AHI1: variants seen among roughly 807,000 people sequenced by gnomAD.
AHI1 encodes the protein Abelson helper integration site 1, also known as jouberin.
A neutral mutation model predicts 149.3 loss-of-function variants in AHI1; 123 were observed. The ratio of observed to expected loss-of-function variants is 0.82; its 90% CI spans 0.71 to 0.96. AHI1 has a LOEUF of 0.96. Among genes scored for constraint, AHI1 ranks in the 40% least tolerant of loss-of-function variants. The pLI is 0.00. For synonymous variants in AHI1, 475 were observed against 459.8 expected (o/e 1.03, Z -0.42); for missense variants, 1,439 against 1,422.7 (o/e 1.01, Z -0.18).
At chr6:135,351,550 G>A (rs1175861658) in intron 24 of AHI1, among the ~76,000 whole-genome samples, 1 of 152,172 alleles carries the variant, frequency 6.6e-6, no homozygotes, top group Non-Finnish European at 1.5e-5. Context: ...TGGAATCAGT[G>A]TTCTTTACTT....
chr6:135,399,500 C>A (rs1368693585), intron 22 of AHI1, among the ~76,000 whole-genome samples: 5 of 152,110 alleles, frequency 3.3e-5, no homozygotes, highest in Admixed American at 6.6e-5. Context: ...CTCTATCCTT[C>A]TATCTTTGTT....
chr6:135,434,197 G>GA (rs147267967), intron 15 of AHI1, among the ~76,000 whole-genome samples: 3,704 of 148,766 alleles, frequency 0.025, 66 homozygotes, highest in East Asian at 0.055. Flanking sequence ...ACTGATAAGA[G>GA]AAAAAAAAAC....
At chr6:135,441,001 C>T (rs930087858) in intron 14 of AHI1, among the ~76,000 whole-genome samples, 5 of 151,802 alleles carry the variant, frequency 3.3e-5, no homozygotes, top group East Asian at 1.9e-4. Flanking sequence ...GAAGCCCAGA[C>T]GCTGGGCTTT....
chr6:135,384,588 T>C (rs1777304685), intron 23 of AHI1, among the ~76,000 whole-genome samples: 1 of 152,184 alleles, frequency 6.6e-6, no homozygotes, highest in Admixed American at 6.5e-5. Flanking sequence ...ATTAATAACA[T>C]CTTCAAAATC....
intron 7 of AHI1, among the ~76,000 whole-genome samples, chr6:135,465,309 T>G (rs762479633): frequency 2.0e-5 from 3 of 152,234 alleles, no homozygotes; most frequent in Non-Finnish European, 2.9e-5. Context: ...TACATACATA[T>G]ATAAGCATCA....
intron 23 of AHI1, among the ~76,000 whole-genome samples, chr6:135,362,165 T>G (rs1275293305): frequency 6.6e-6 from 1 of 152,074 alleles, no homozygotes; most frequent in Non-Finnish European, 1.5e-5. Context: ...ATGTGGTGTA[T>G]ATACACATAT....
rs185605430 is a variant in AHI1, at chr6:135,490,659, C to A, written c.99G>T (p.Leu33=). 6.2e-7 allele frequency: 1 copy of A among 1,613,554 alleles called. No homozygotes were observed. Among genetic ancestry groups the A allele is most frequent in the East Asian group, 2.2e-5 (1 of 44,830 alleles). The part of the protein sequence containing the change: ...HSDLMREKKK[L]KKKLVRSEEN... ...CTTCAGACCTGACAAGTTTTTTCTT[C>A]AGTTTTTTCTTTTCACGCATTAGAT... The change falls in exon 5 of 29, where the codon CTG becomes CTT. Residue 33 remains leucine, a synonymous_variant. Transcript: ENST00000265602.
rs371196104 is a variant in AHI1 at position 135,479,909 on chromosome 6, G to C, written c.135+10714C>G. ...GAGTTCTCCTGAGATCCTGTTGTTT[G>C]AAAGTGTGTAGCACTTCTCCCTTTG... On this transcript the variant is annotated intron_variant, in intron 5 of 28. Coordinates refer to ENST00000265602, the MANE Select transcript of AHI1 (RefSeq NM_001134831.2). Among the ~76,000 whole-genome samples, 23 of 152,196 alleles carry C rather than the reference G, an allele frequency of 1.5e-4. No homozygotes were observed. In the South Asian group the frequency reaches 4.6e-3, roughly 30 times the overall value.
Position 135,352,845 on chromosome 6 carries a change from T to C in AHI1, c.3165+5287A>G, listed in dbSNP as rs562142474. ...TTTTTTGGTATTTCTACTTTTCCCA[T>C]AGTATTTCCATACCTCACCAGTGCT... On this transcript the variant is annotated intron_variant, in intron 24 of 28. Transcript: ENST00000265602. Among the ~76,000 whole-genome samples, 10 of 149,508 alleles carry C rather than the reference T, an allele frequency of 6.7e-5. No individual in the cohort carries two copies. In the South Asian group the frequency reaches 1.7e-3, roughly 25 times the overall value.
intron 20 of AHI1, among the ~76,000 whole-genome samples, chr6:135,415,149 T>C (rs1200670074): frequency 6.6e-6 from 1 of 152,068 alleles, no homozygotes; most frequent in Non-Finnish European, 1.5e-5. Flanking sequence ...GAACTCATCA[T>C]TTTTTATGGC....
At chr6:135,453,614 G>C (rs1788472970) in intron 10 of AHI1, among the ~76,000 whole-genome samples, 178 bp from the exon 11 acceptor site, 1 of 151,996 alleles carries the variant, frequency 6.6e-6, no homozygotes, top group South Asian at 2.1e-4. Context: ...GTTAGGGAGG[G>C]TCCATTTTCT....
At chr6:135,391,963 A>G (rs1047926106) in intron 23 of AHI1, among the ~76,000 whole-genome samples, 1 of 152,178 alleles carries the variant, frequency 6.6e-6, no homozygotes, top group African/African-American at 2.4e-5. Flanking sequence ...TGGGATTAGG[A>G]AAACTTGGTA....
chr6:135,339,273 T>C (rs1429333957), intron 24 of AHI1, among the ~76,000 whole-genome samples: 1 of 152,140 alleles, frequency 6.6e-6, no homozygotes, highest in Non-Finnish European at 1.5e-5. Flanking sequence ...TATCCTCTTA[T>C]CAAAAAATTA....
intron 27 of AHI1, among the ~76,000 whole-genome samples, chr6:135,296,154 C>T (rs994858615): frequency 2.6e-5 from 4 of 152,132 alleles, no homozygotes; most frequent in African/African-American, 7.2e-5. Flanking sequence ...CGCGCCTGGC[C>T]GCAATTTATT....
At chr6:135,477,320 G>A (rs536748987) in intron 5 of AHI1, among the ~76,000 whole-genome samples, 14 of 152,238 alleles carry the variant, frequency 9.2e-5, no homozygotes, top group East Asian at 1.9e-4. Context: ...GATTACAGGC[G>A]TGAGCCACCA....
At chr6:135,303,295 T>C (rs1370777379) in intron 26 of AHI1, among the ~76,000 whole-genome samples, 2 of 152,218 alleles carry the variant, frequency 1.3e-5, no homozygotes, top group Admixed American at 6.5e-5. Flanking sequence ...AATTAATGTA[T>C]GTTACATCTA....
intron 23 of AHI1, among the ~76,000 whole-genome samples, chr6:135,378,779 T>C (rs1021392739): frequency 2.6e-5 from 4 of 152,200 alleles, no homozygotes; most frequent in Non-Finnish European, 5.9e-5. Context: ...TATTTCCTTT[T>C]TACTGATTTG....
intron 13 of AHI1, among the ~76,000 whole-genome samples, chr6:135,443,963 C>T (rs1412432360): frequency 6.6e-6 from 1 of 152,108 alleles, no homozygotes; most frequent in East Asian, 1.9e-4. Context: ...AACTCTGTGC[C>T]CAATCACCTA....
chr6:135,291,117 T>C (rs188478171), intron 27 of AHI1, among the ~76,000 whole-genome samples: 64 of 151,920 alleles, frequency 4.2e-4, no homozygotes, highest in African/African-American at 1.5e-3. Flanking sequence ...GCACTTTATA[T>C]TAGGAGAAAG....
Sources: allele counts gnomAD v4.1 joint callset (sites outside exome capture counted in the v4.1 genomes callset), GRCh38; gene constraint gnomAD v4.1.1; transcripts MANE v1.5; gene names NCBI Gene and HGNC (gene_info 2026-07-23, HGNC 2026-07-21).